Variants in ARHGEF18 observed in about 807,000 individuals in gnomAD.
ARHGEF18 encodes the protein rho guanine nucleotide exchange factor 18.
A neutral mutation model predicts 155.7 loss-of-function variants in ARHGEF18; 93 were observed. The ratio of observed to expected loss-of-function variants is 0.60; its 90% CI spans 0.50 to 0.71. The LOEUF is 0.71. Among genes scored for constraint, ARHGEF18 ranks in the 30% least tolerant of loss-of-function variants. The pLI is 0.00. For missense variants in ARHGEF18, 1,593 were observed against 1,816.1 expected, an observed-to-expected ratio of 0.88 and a Z score of 2.23; for synonymous variants, 742 against 753.1, an observed-to-expected ratio of 0.99 and a Z score of 0.24.
At chr19:7,454,422 A>G (rs1975700404) in intron 17 of ARHGEF18, among the ~76,000 whole-genome samples, 1 of 150,142 alleles carries the variant, frequency 6.7e-6, no homozygotes, top group Non-Finnish European at 1.5e-5. Context: ...CATCTTGATC[A>G]GTGGGCTCCC....
chr19:7,381,280 G>T (rs1970721408), intron 8 of ARHGEF18, among the ~76,000 whole-genome samples: 1 of 152,158 alleles, frequency 6.6e-6, no homozygotes, highest in Admixed American at 6.6e-5. Context: ...AAACTAGAAG[G>T]CTTAGGGAAT....
rs1977000666 is a variant in ARHGEF18 at position 7,471,198 on chromosome 19, G to A, written c.*900G>A. On this transcript the variant is annotated 3_prime_UTR_variant, in exon 29 of 29. Transcript: ENST00000668164. The surrounding 1 kb of genome is among the most constrained non-coding windows in gnomAD (Gnocchi z 4.4). ...CCAGGGCTGGCGTCCCACCTTCCAGGTGGGGGCTGGCACATCACAGACTGT... is the reference window on the plus strand; with the variant it reads ...CCAGGGCTGGCGTCCCACCTTCCAGATGGGGGCTGGCACATCACAGACTGT... 5.2e-6 allele frequency: 1 copy of A among 190,680 alleles called. No homozygotes were observed. The highest frequency in any genetic ancestry group is 1.1e-5 in the Non-Finnish European group (1 of 93,874). 11.8% of individuals were successfully genotyped at this position (190,680 alleles called of 1,614,324 possible). A position where few individuals can be genotyped will look rare whatever the true frequency, so the allele number is the denominator to read the frequency against.
chr19:7,381,028 C>G (rs1043376688), intron 8 of ARHGEF18, 34 bp downstream of exon 8: 1 of 1,227,424 alleles, frequency 8.1e-7, no homozygotes, highest in Non-Finnish European at 1.0e-6. Flanking sequence ...GGGAGGGCAG[C>G]CTTGGATTCG....
rs1222688076 is a variant in ARHGEF18 at position 7,438,016 on chromosome 19, CTCCCT to C, written c.968-2318_968-2314del. On this transcript the variant is annotated intron_variant, in intron 10 of 28. Transcript: ENST00000668164. ...CTCTCCTCCCCTCCCCTCCCCTCCCCTCCCTTCCCTTCCCCTCTCCTCTTCTCTCC... is the reference window on the plus strand; with the variant it reads ...CTCTCCTCCCCTCCCCTCCCCTCCCCTCCCTTCCCCTCTCCTCTTCTCTCC... 2.4e-3 allele frequency among the ~76,000 whole-genome samples: 309 copies of C among 127,952 alleles called. 2 individuals are homozygous for C. The highest frequency in any genetic ancestry group is 2.8e-3 in the African/African-American group (92 of 32,540). The allele number at this position is 127,952 out of a possible 152,430, so 83.9% of individuals were successfully genotyped here.
chr19:7,385,903 T>C lies in ARHGEF18; in HGVS notation c.967+2700T>C, dbSNP rs1245693028. 3.2e-3 allele frequency among the ~76,000 whole-genome samples: 151 copies of C among 47,220 alleles called. 12 individuals are homozygous for C. Among genetic ancestry groups the C allele is most frequent in the African/African-American group, 0.025 (143 of 5,646 alleles). 31.0% of individuals were successfully genotyped at this position (47,220 alleles called of 152,430 possible). On this transcript the variant is annotated intron_variant, in intron 10 of 28. Coordinates refer to ENST00000668164, the MANE Select transcript of ARHGEF18 (RefSeq NM_001367823.1). ...CCCTCTCTCCCTCCCTCCCTCTCTC[T>C]CTCCCTCTCTCCCTCTCTCTCTCTC...
At chr19:7,447,969 A>G (rs927023798) in intron 15 of ARHGEF18, among the ~76,000 whole-genome samples, 4 of 152,238 alleles carry the variant, frequency 2.6e-5, no homozygotes, top group African/African-American at 7.2e-5. Context: ...TCTCTATTAT[A>G]TAAGATACAT....
intron 26 of ARHGEF18, 149 bp from the exon 27 acceptor site, chr19:7,468,676 C>T (rs1053310778): frequency 2.7e-5 from 23 of 846,898 alleles, no homozygotes; most frequent in African/African-American, 1.7e-4. Context: ...GGGTTGGGGA[C>T]GGGCAATGAC....
chr19:7,429,604 A>AAAAT (rs1045649581), intron 10 of ARHGEF18, among the ~76,000 whole-genome samples: 6 of 152,326 alleles, frequency 3.9e-5, no homozygotes, highest in East Asian at 1.9e-4. Flanking sequence ...CTCCGTCTCA[A>AAAAT]AAATAAATAA....
chr19:7,376,763 C>G lies in ARHGEF18; in HGVS notation c.541+6C>G. On this transcript the variant is annotated splice_donor_region_variant and intron_variant, in intron 5 of 28. Coordinates refer to ENST00000668164, the MANE Select transcript of ARHGEF18 (RefSeq NM_001367823.1). ...GCCCACTCCACCTGTTCAAGGTAGC[C>G]AGCCTGGGAGTTTCCTTCATTCAAA... 8.1e-7 allele frequency: 1 copy of G among 1,233,346 alleles called. No homozygotes were observed. The highest frequency in any genetic ancestry group is 1.0e-6 in the Non-Finnish European group (1 of 987,330). The allele number at this position is 1,233,346 out of a possible 1,614,324, so 76.4% of individuals were successfully genotyped here.
intron 2 of ARHGEF18, among the ~76,000 whole-genome samples, chr19:7,367,758 A>AAAAAATAT (rs377535487): frequency 6.7e-5 from 5 of 74,104 alleles, no homozygotes; most frequent in South Asian, 3.5e-4. Flanking sequence ...AAAAAAAAAA[A>AAAAAATAT]ATATATATAT....
chr19:7,441,803 T>A, intron 12 of ARHGEF18, 38 bp downstream of exon 12: 2 of 1,613,504 alleles, frequency 1.2e-6, no homozygotes, highest in Non-Finnish European at 1.7e-6. Flanking sequence ...TGCCACACAG[T>A]TCCTGTCTCT....
At position 7,471,094 on chromosome 19, in the gene ARHGEF18, G is replaced by C. The variant is rs959979892; in HGVS notation, c.*796G>C. 91 of 326,856 alleles carry C rather than the reference G, an allele frequency of 2.8e-4. 1 individual carries two copies. The highest frequency in any genetic ancestry group is 1.0e-4 in the Non-Finnish European group (19 of 181,176). 20.2% of individuals were successfully genotyped at this position (326,856 alleles called of 1,614,324 possible). A position where few individuals can be genotyped will look rare whatever the true frequency, so the allele number is the denominator to read the frequency against. ...TGCTGTTCACACGCTCAGCCTGTCT[G>C]GGGGAGCGGGCCTCTAGCTTCAGCC... is the stretch of plus-strand genomic sequence containing the variant. On this transcript the variant is annotated 3_prime_UTR_variant, in exon 29 of 29. Coordinates refer to ENST00000668164, the MANE Select transcript of ARHGEF18 (RefSeq NM_001367823.1). The surrounding 1 kb of genome is among the most constrained non-coding windows in gnomAD (Gnocchi z 4.4).
intron 1 of ARHGEF18, among the ~76,000 whole-genome samples, chr19:7,356,142 C>T (rs541906467): frequency 1.8e-4 from 27 of 152,082 alleles, no homozygotes; most frequent in Admixed American, 1.2e-3. Context: ...ACACACACAT[C>T]GGCTGGTGCT....
Position 7,367,746 on chromosome 19 carries a change from C to CAAAAAAAAA in ARHGEF18, c.15+4846_15+4854dup, listed in dbSNP as rs776839774. ...AGGCAACAAGAGTGAAACTCCATCT[C>CAAAAAAAAA]AAAAAAAAAAAAATATATATATATA... On this transcript the variant is annotated intron_variant, in intron 2 of 28. Coordinates refer to ENST00000668164, the MANE Select transcript of ARHGEF18 (RefSeq NM_001367823.1). Among the ~76,000 whole-genome samples the CAAAAAAAAA allele has an allele frequency of 1.1e-4, 4 of 36,348 alleles. 2 individuals are homozygous for CAAAAAAAAA. Among genetic ancestry groups the CAAAAAAAAA allele is most frequent in the African/African-American group, 6.4e-4 (4 of 6,212 alleles). 23.8% of individuals were successfully genotyped at this position (36,348 alleles called of 152,430 possible). A position where few individuals can be genotyped will look rare whatever the true frequency, so the allele number is the denominator to read the frequency against.
chr19:7,451,256 G>A lies in ARHGEF18; in HGVS notation c.1845G>A (p.Gln615=), dbSNP rs1235603070. 1.2e-6 allele frequency: 2 copies of A among 1,613,156 alleles called. No individual in the cohort carries two copies. The highest frequency in any genetic ancestry group is 2.7e-5 in the African/African-American group (2 of 74,670). The change falls in exon 16 of 29, where the codon CAG becomes CAA. Residue 615 remains glutamine, a synonymous_variant. Coordinates refer to ENST00000668164, the MANE Select transcript of ARHGEF18 (RefSeq NM_001367823.1). ...KYPVLVERII[Q]NTEAGTEDYE... ...CAGTGCTGGTGGAGCGCATCATCCAGAACACGGAAGGTAGGCCTTCTCCCC... is the reference window on the plus strand; with the variant it reads ...CAGTGCTGGTGGAGCGCATCATCCAAAACACGGAAGGTAGGCCTTCTCCCC...
chr19:7,407,233 T>C (rs1238697562), intron 10 of ARHGEF18, among the ~76,000 whole-genome samples: 1 of 150,088 alleles, frequency 6.7e-6, no homozygotes, highest in Non-Finnish European at 1.5e-5. Context: ...GAGACCAGCC[T>C]GGCCAACATG....
rs556399587 is a variant in ARHGEF18 at position 7,451,094 on chromosome 19, A to T, written c.1738-55A>T. On this transcript the variant is annotated intron_variant, in intron 15 of 28. Transcript: ENST00000668164. Reference sequence around the variant, plus strand: ...TCCGTTTCTGAGATGTTAATACAGGATCTTGCTGTCCGTTTCTGAGATGTT... The same window carrying T: ...TCCGTTTCTGAGATGTTAATACAGGTTCTTGCTGTCCGTTTCTGAGATGTT... 1.8e-5 allele frequency: 25 copies of T among 1,369,648 alleles called. No individual in the cohort carries two copies. The Admixed American group carries it at 3.6e-4, about 20-fold the overall frequency. The allele number at this position is 1,369,648 out of a possible 1,614,324, so 84.8% of individuals were successfully genotyped here. A position where few individuals can be genotyped will look rare whatever the true frequency, so the allele number is the denominator to read the frequency against.
chr19:7,416,928 G>C (rs1414458150), intron 10 of ARHGEF18, among the ~76,000 whole-genome samples: 1 of 151,524 alleles, frequency 6.6e-6, no homozygotes, highest in African/African-American at 2.4e-5. Context: ...GTTGTTTTTT[G>C]AGATGGAGTC....
Position 7,406,990 on chromosome 19 carries a change from G to A in ARHGEF18, c.967+23787G>A, listed in dbSNP as rs542308036. Reference sequence around the variant, plus strand: ...TGAGGCAGGAGAATGGCATGAACCCGGGAAGCAGAGCTTGCAGTGAGCGGA... The same window carrying A: ...TGAGGCAGGAGAATGGCATGAACCCAGGAAGCAGAGCTTGCAGTGAGCGGA... On this transcript the variant is annotated intron_variant, in intron 10 of 28. Transcript: ENST00000668164. Among the ~76,000 whole-genome samples, 107 of 144,662 alleles carry A rather than the reference G, an allele frequency of 7.4e-4. 1 individual carries two copies. The South Asian group carries it at 7.8e-3, about 11-fold the overall frequency. 94.9% of individuals were successfully genotyped at this position (144,662 alleles called of 152,430 possible).
Sources: allele counts gnomAD v4.1 joint callset (sites outside exome capture counted in the v4.1 genomes callset), GRCh38; gene constraint gnomAD v4.1.1; non-coding constraint Gnocchi (gnomAD v3.1); transcripts MANE v1.5; gene names NCBI Gene and HGNC (gene_info 2026-07-23, HGNC 2026-07-21).